The following CHD9 variants were observed in gnomAD, a reference collection of about 807,000 sequenced individuals.
CHD9 encodes the protein chromodomain helicase DNA binding protein 9.
A neutral mutation model predicts 316.1 loss-of-function variants in CHD9; 77 were observed. The observed-to-expected ratio is 0.24, with a 90% confidence interval of 0.20 to 0.29. The LOEUF (loss-of-function observed/expected upper bound fraction) is 0.29, where lower values mean the gene tolerates loss of function less well. CHD9 is among the 10% of genes least tolerant of loss of function. The probability of loss-of-function intolerance (pLI) is 1.00; values close to 1 mark genes in which losing one functional copy is unlikely to be tolerated. For missense variants in CHD9, 2,763 were observed against 3,438.1 expected, an observed-to-expected ratio of 0.80 and a Z score of 4.91; for synonymous variants, 1,129 against 1,158.3, an observed-to-expected ratio of 0.97 and a Z score of 0.51.
chr16:53,231,884 T>A, intron 10 of CHD9, 100 bp downstream of exon 10: 1 of 1,146,346 alleles, frequency 8.7e-7, no homozygotes, highest in Non-Finnish European at 1.2e-6. Flanking sequence ...TCATTTCTTT[T>A]AAACAGGCTT....
At chr16:53,217,925 TTTCTTTCTTTCTTTCTTTC>T (rs1230123618) in intron 3 of CHD9, among the ~76,000 whole-genome samples, 1 of 48,508 alleles carries the variant, frequency 2.1e-5, no homozygotes, top group African/African-American at 7.4e-5. Flanking sequence ...TCTTTCTTTC[TTTCTTTCTTTCTTTCTTTC>T]TTTCTTTCTT....
intron 3 of CHD9, among the ~76,000 whole-genome samples, chr16:53,212,841 A>G (rs2046441100): frequency 6.6e-6 from 1 of 152,220 alleles, no homozygotes; most frequent in Non-Finnish European, 1.5e-5. Context: ...AAATGGGGAT[A>G]GGATAGTACT....
intron 2 of CHD9, among the ~76,000 whole-genome samples, chr16:53,181,890 GCCAA>G (rs998092330): frequency 7.9e-5 from 12 of 152,106 alleles, no homozygotes; most frequent in African/African-American, 2.7e-4. Flanking sequence ...GACCAGCCTG[GCCAA>G]CATGGTGAAA....
At chr16:53,314,290 C>CA in intron 34 of CHD9, 87 bp from the exon 35 acceptor site, 1 of 907,750 alleles carries the variant, frequency 1.1e-6, no homozygotes, top group Non-Finnish European at 1.6e-6. Context: ...TAAGAACTAA[C>CA]ACTTTCATAT....
chr16:53,224,182 GA>G, intron 4 of CHD9, among the ~76,000 whole-genome samples: 1 of 152,184 alleles, frequency 6.6e-6, no homozygotes, highest in Non-Finnish European at 1.5e-5. Flanking sequence ...CTAAAAATAA[GA>G]AATTAAAAGG....
chr16:53,236,512 A>G (rs993091014), intron 11 of CHD9, among the ~76,000 whole-genome samples: 1 of 151,910 alleles, frequency 6.6e-6, no homozygotes, highest in Non-Finnish European at 1.5e-5. Context: ...CCTGAAGACT[A>G]TTGCCATCCC....
chr16:53,184,375 T>A (rs576552343), intron 2 of CHD9, among the ~76,000 whole-genome samples: 32 of 152,124 alleles, frequency 2.1e-4, no homozygotes, highest in Non-Finnish European at 1.3e-4. Context: ...TTCACTCTGT[T>A]GCTCAGTCTG....
chr16:53,203,121 ATTG>A (rs1362608424), intron 2 of CHD9, among the ~76,000 whole-genome samples: 2 of 152,148 alleles, frequency 1.3e-5, no homozygotes, highest in African/African-American at 4.8e-5. Flanking sequence ...CTACAAATCT[ATTG>A]TTTTTAGGTT....
At chr16:53,059,076 A>G (rs559709294) in intron 1 of CHD9, among the ~76,000 whole-genome samples, 2 of 152,244 alleles carry the variant, frequency 1.3e-5, no homozygotes, top group East Asian at 3.9e-4. Flanking sequence ...CCTAGACTCA[A>G]GTGTTTCTCC....
intron 2 of CHD9, among the ~76,000 whole-genome samples, chr16:53,192,066 CAAAAAAAAA>C (rs563995905): frequency 1.4e-5 from 1 of 69,844 alleles, no homozygotes; most frequent in African/African-American, 4.5e-5. Context: ...GACTCCATCT[CAAAAAAAAA>C]AAAAAAAACA....
At chr16:53,187,613 AAGAT>A (rs1410096067) in intron 2 of CHD9, among the ~76,000 whole-genome samples, 2 of 152,322 alleles carry the variant, frequency 1.3e-5, no homozygotes, top group Admixed American at 1.3e-4. Flanking sequence ...GAATTAAAGA[AAGAT>A]AATCAGATTT....
chr16:53,299,154 T>C lies in CHD9; in HGVS notation c.5713+1996T>C, dbSNP rs576647891. The C allele has an allele frequency of 8.2e-5, 14 of 170,644 alleles. No homozygotes were observed. In the South Asian group the frequency reaches 2.1e-3, roughly 26 times the overall value. 10.6% of individuals were successfully genotyped at this position (170,644 alleles called of 1,614,324 possible). A position where few individuals can be genotyped will look rare whatever the true frequency, so the allele number is the denominator to read the frequency against. On this transcript the variant is annotated intron_variant, in intron 30 of 38. Coordinates refer to ENST00000447540, the MANE Select transcript of CHD9 (RefSeq NM_001308319.2). ...TTAAACTTTCAAGCAGGTATTGGTA[T>C]GGCCAATTAATTGAAATAAATAGCC...
intron 34 of CHD9, among the ~76,000 whole-genome samples, chr16:53,310,210 A>G (rs754054762): frequency 1.3e-5 from 2 of 152,240 alleles, no homozygotes; most frequent in Non-Finnish European, 2.9e-5. Context: ...TTGCACTTCA[A>G]ATATGAATCA....
intron 3 of CHD9, among the ~76,000 whole-genome samples, chr16:53,219,590 G>A (rs1428609521): frequency 1.3e-5 from 2 of 152,098 alleles, no homozygotes; most frequent in Non-Finnish European, 2.9e-5. Flanking sequence ...AGCCAAGAAA[G>A]GGGCCAAAAG....
Position 53,242,797 on chromosome 16 carries a change from A to G in CHD9, c.2878-43A>G, listed in dbSNP as rs780360305. ...CACTTGACAGGAATAAAAAATATGC[A>G]ATTAAAATATTCCAGCAAATAATTA... is the stretch of plus-strand genomic sequence containing the variant. On this transcript the variant is annotated intron_variant, in intron 12 of 38. Coordinates refer to ENST00000447540, the MANE Select transcript of CHD9 (RefSeq NM_001308319.2). 3.3e-5 allele frequency: 51 copies of G among 1,534,362 alleles called. No individual in the cohort carries two copies. In the South Asian group the frequency reaches 3.8e-4, roughly 11 times the overall value.
At position 53,157,406 on chromosome 16, in the gene CHD9, G is replaced by A. The variant is rs1464170741; in HGVS notation, c.1317G>A (p.Gln439=). 6.2e-7 allele frequency: 1 copy of A among 1,613,916 alleles called. No homozygotes were observed. The highest frequency in any genetic ancestry group is 1.3e-5 in the African/African-American group (1 of 74,942). Residue 439 remains glutamine, a synonymous_variant, in exon 2 of 39, where the codon CAG becomes CAA. Coordinates refer to ENST00000447540, the MANE Select transcript of CHD9 (RefSeq NM_001308319.2). ...TTTTAGATCATGACCTTGATCGGCAGTTTACTTCGCATCTGGTAACACGGC... is the reference window on the plus strand; with the variant it reads ...TTTTAGATCATGACCTTGATCGGCAATTTACTTCGCATCTGGTAACACGGC... ...SHILDHDLDR[Q]FTSHLVTRPS... is the part of the protein sequence containing the mutation.
intron 32 of CHD9, among the ~76,000 whole-genome samples, chr16:53,307,249 T>C (rs2056069370): frequency 6.6e-6 from 1 of 152,188 alleles, no homozygotes; most frequent in Admixed American, 6.5e-5. Flanking sequence ...AATAAAACTA[T>C]CTTTGTGGTA....
chr16:53,107,489 TAAATAAAATA>T (rs60801106), intron 1 of CHD9, among the ~76,000 whole-genome samples: 4 of 123,090 alleles, frequency 3.2e-5, no homozygotes, highest in Non-Finnish European at 6.5e-5. Context: ...TAAAATAAAA[TAAATAAAATA>T]AAATAAAATA....
intron 11 of CHD9, among the ~76,000 whole-genome samples, chr16:53,237,348 C>A (rs1448438903): frequency 1.3e-5 from 2 of 152,124 alleles, no homozygotes; most frequent in East Asian, 3.9e-4. Flanking sequence ...CAGTTACTGT[C>A]CCAACTTCTA....
Sources: gnomAD v4.1 joint callset for allele counts (sites outside exome capture counted in the v4.1 genomes callset) on GRCh38, gnomAD v4.1.1 for gene constraint, MANE v1.5 for transcripts, NCBI Gene and HGNC (gene_info 2026-07-23, HGNC 2026-07-21) for gene names.